Variants in MICAL3 observed in about 807,000 individuals in gnomAD.
MICAL3 encodes the protein microtubule associated monooxygenase, calponin and LIM domain containing 3.
A neutral mutation model predicts 207.4 loss-of-function variants in MICAL3; 62 were observed. The ratio of observed to expected loss-of-function variants is 0.30; its 90% CI spans 0.24 to 0.37. MICAL3 has a LOEUF of 0.37. MICAL3 is among the 10% of genes least tolerant of loss of function. MICAL3 has a pLI of 1.00. For synonymous variants in MICAL3, 1,077 were observed against 1,069.3 expected, an observed-to-expected ratio of 1.01 and a Z score of -0.14; for missense variants, 2,368 against 2,635.6, an observed-to-expected ratio of 0.90 and a Z score of 2.22.
intron 13 of MICAL3, 38 bp from the exon 14 acceptor site, chr22:17,887,473 T>C: frequency 6.8e-7 from 1 of 1,473,610 alleles, no homozygotes; most frequent in Non-Finnish European, 9.4e-7. Flanking sequence ...GCACAGCCCT[T>C]GAGGGCGCCG....
chr22:17,834,455 T>C (rs527570336), intron 20 of MICAL3: 3 of 1,283,852 alleles, frequency 2.3e-6, no homozygotes, highest in African/African-American at 3.1e-5. Flanking sequence ...GTAGCTCACA[T>C]CTGTGATCCC....
At chr22:17,827,957 G>T (rs1328276108) in intron 21 of MICAL3, among the ~76,000 whole-genome samples, 176 bp from the exon 22 acceptor site, 1 of 137,136 alleles carries the variant, frequency 7.3e-6, no homozygotes, top group African/African-American at 2.8e-5. Context: ...ACACACAGAC[G>T]CATGGACACA....
chr22:17,857,211 C>A (rs1265915807), intron 19 of MICAL3, among the ~76,000 whole-genome samples: 2 of 152,202 alleles, frequency 1.3e-5, no homozygotes, highest in Admixed American at 6.5e-5. Flanking sequence ...AACCAGGCCG[C>A]ATAGCAGGAG....
chr22:17,961,401 G>T (rs1209589550), intron 1 of MICAL3, among the ~76,000 whole-genome samples: 3 of 152,154 alleles, frequency 2.0e-5, no homozygotes, highest in Non-Finnish European at 4.4e-5. Context: ...CTGGGGGAGC[G>T]TCAGCCCCGG....
At chr22:17,843,120 CAAAA>C (rs71966425) in intron 19 of MICAL3, among the ~76,000 whole-genome samples, 2 of 62,888 alleles carry the variant, frequency 3.2e-5, no homozygotes, top group East Asian at 5.0e-4. Context: ...GACTTCATCT[CAAAA>C]AAAAAAAAAA....
intron 1 of MICAL3, among the ~76,000 whole-genome samples, chr22:17,956,862 A>G (rs963356606): frequency 1.3e-5 from 2 of 152,196 alleles, no homozygotes; most frequent in African/African-American, 4.8e-5. Context: ...CTTCTTAGTA[A>G]CAGTACCCCA....
At chr22:17,867,450 T>C (rs867594537) in intron 17 of MICAL3, among the ~76,000 whole-genome samples, 2 of 152,240 alleles carry the variant, frequency 1.3e-5, no homozygotes, top group Non-Finnish European at 2.9e-5. Flanking sequence ...ATAATTAGGA[T>C]AAGGTAAGAT....
intron 19 of MICAL3, among the ~76,000 whole-genome samples, chr22:17,846,497 G>T (rs911949415): frequency 2.6e-5 from 4 of 152,188 alleles, no homozygotes; most frequent in African/African-American, 9.7e-5. Flanking sequence ...GCGGTGATGA[G>T]AAACCAAGAT....
chr22:17,990,945 G>T (rs528985119), intron 1 of MICAL3, among the ~76,000 whole-genome samples: 2 of 152,288 alleles, frequency 1.3e-5, no homozygotes, highest in East Asian at 3.9e-4. Context: ...TTTCTTGCCT[G>T]CCTGTGCCTA....
At chr22:17,883,725 T>C (rs1227180647) in intron 16 of MICAL3, among the ~76,000 whole-genome samples, 2 of 152,198 alleles carry the variant, frequency 1.3e-5, no homozygotes, top group African/African-American at 2.4e-5. Context: ...AAGGTTTTAG[T>C]GAAAATTTCC....
At chr22:17,849,644 A>ATGTGTG (rs149239378) in intron 19 of MICAL3, among the ~76,000 whole-genome samples, 151 of 79,450 alleles carry the variant, frequency 1.9e-3, no homozygotes, top group African/African-American at 5.8e-3. Flanking sequence ...CCAGAATGGA[A>ATGTGTG]TGTGTGTGTG....
At chr22:17,963,545 C>T (rs753221613) in intron 1 of MICAL3, among the ~76,000 whole-genome samples, 3 of 152,086 alleles carry the variant, frequency 2.0e-5, no homozygotes, top group Non-Finnish European at 2.9e-5. Flanking sequence ...CACGGCCAAG[C>T]GCCATCCTGC....
At chr22:17,865,785 G>A (rs1388588748) in intron 18 of MICAL3, 139 bp downstream of exon 18, 15 of 697,236 alleles carry the variant, frequency 2.2e-5, no homozygotes, top group Non-Finnish European at 3.9e-5. Flanking sequence ...ACCCCGGACT[G>A]CCACTGCATT....
rs536779957 is a variant in MICAL3, at chr22:17,864,038, C to T, written c.2605+861G>A. On this transcript the variant is annotated intron_variant, in intron 19 of 31. Coordinates refer to ENST00000441493, the MANE Select transcript of MICAL3 (RefSeq NM_015241.3). ...CACCTGGAGCTGTATGTGGGACATT[C>T]AGAACACCCAGCAGTTTGTGGAGCT... 5.1e-6 allele frequency: 5 copies of T among 986,018 alleles called. No individual in the cohort carries two copies. The African/African-American group carries it at 8.7e-5, about 17-fold the overall frequency. The allele number at this position is 986,018 out of a possible 1,614,324, so 61.1% of individuals were successfully genotyped here.
chr22:17,879,455 C>A lies in MICAL3; in HGVS notation c.2241+6423G>T. On this transcript the variant is annotated intron_variant, in intron 16 of 31. Transcript: ENST00000441493. ...CTCCATGCATATCGCTCTATTTGGACCTACTAAACGACAGTGGGAAATTCA... is the reference window on the plus strand; with the variant it reads ...CTCCATGCATATCGCTCTATTTGGAACTACTAAACGACAGTGGGAAATTCA... The A allele has an allele frequency of 3.4e-6, 5 of 1,491,650 alleles. No individual in the cohort carries two copies. The South Asian group carries it at 6.2e-5, about 18-fold the overall frequency. 92.4% of individuals were successfully genotyped at this position (1,491,650 alleles called of 1,614,324 possible).
intron 26 of MICAL3, 98 bp from the exon 27 acceptor site, chr22:17,816,882 G>T: frequency 1.1e-6 from 1 of 886,796 alleles, no homozygotes; most frequent in Non-Finnish European, 1.8e-6. Flanking sequence ...AGGCCGGGTG[G>T]GGGGCTGGAT....
chr22:18,005,460 A>G (rs770744521), intron 1 of MICAL3: 1 of 152,168 alleles, frequency 6.6e-6, no homozygotes, highest in Non-Finnish European at 1.5e-5. Context: ...CTGCGTGAAC[A>G]CAACCTTTTT....
chr22:17,823,024 T>A lies in MICAL3; in HGVS notation c.3230A>T (p.Asp1077Val). Residue 1077 changes from aspartate (D) to valine (V), a missense_variant, in exon 23 of 32, where the codon GAC becomes GTC. This residue lies in a region of MICAL3 where 1,770 missense variants were observed against 1,863.2 expected (regional missense o/e 0.95). Coordinates refer to ENST00000441493, the MANE Select transcript of MICAL3 (RefSeq NM_015241.3). ...CCCTTCTATCTCGGCTGGTTCTGAG[T>A]CCACATCTTCCTCTAGGTCATTCTC... Reference protein sequence around the residue: ...LDENDLEEDVDSEPAEIEGEA... With the variant: ...LDENDLEEDVVSEPAEIEGEA... 6.2e-7 allele frequency: 1 copy of A among 1,613,656 alleles called. No homozygotes were observed. The highest frequency in any genetic ancestry group is 8.5e-7 in the Non-Finnish European group (1 of 1,179,696).
intron 1 of MICAL3, among the ~76,000 whole-genome samples, chr22:17,954,976 G>A (rs559809963): frequency 6.6e-6 from 1 of 152,122 alleles, no homozygotes; most frequent in South Asian, 2.1e-4. Context: ...CTCCCACCTC[G>A]GCCTCGCAAA....
Sources: allele counts gnomAD v4.1 joint callset (sites outside exome capture counted in the v4.1 genomes callset), GRCh38; gene constraint gnomAD v4.1.1; regional missense constraint gnomAD v4.1.1; transcripts MANE v1.5; gene names NCBI Gene and HGNC (gene_info 2026-07-23, HGNC 2026-07-21).